The following PRKN variants were observed in gnomAD, a reference collection of about 807,000 sequenced individuals.
The protein encoded by PRKN is parkin RBR E3 ubiquitin protein ligase, also known as E3 ubiquitin-protein ligase parkin.
In PRKN, 56 loss-of-function variants were observed where a neutral mutation model predicts 59.5. The observed-to-expected ratio is 0.94, with a 90% confidence interval of 0.76 to 1.18. The LOEUF (loss-of-function observed/expected upper bound fraction) is 1.18, where lower values mean the gene tolerates loss of function less well. Among genes scored for constraint, PRKN ranks in the 50% most tolerant of loss-of-function variants. The pLI is 0.00. For missense variants in PRKN, 657 were observed against 596.4 expected (o/e 1.10, Z -1.06); for synonymous variants, 250 against 222.1 (o/e 1.13, Z -1.12).
intron 4 of PRKN, among the ~76,000 whole-genome samples, chr6:162,148,593 GAAACAAAC>G (rs34428585): frequency 2.0e-5 from 3 of 151,394 alleles, no homozygotes; most frequent in East Asian, 2.0e-4. Flanking sequence ...AAGCCAGATT[GAAACAAAC>G]AAACAAACAA....
At chr6:162,238,219 G>A (rs562521910) in intron 3 of PRKN, among the ~76,000 whole-genome samples, 2 of 152,212 alleles carry the variant, frequency 1.3e-5, no homozygotes, top group East Asian at 3.9e-4. Flanking sequence ...TTAATGTTTA[G>A]ATACAAAAAT....
chr6:161,639,662 G>A (rs1211546607), intron 7 of PRKN, among the ~76,000 whole-genome samples: 1 of 152,182 alleles, frequency 6.6e-6, no homozygotes, highest in Non-Finnish European at 1.5e-5. Context: ...GGCCTCAGGT[G>A]TCTGCCCTGC....
At chr6:161,932,908 A>C (rs1293741947) in intron 6 of PRKN, among the ~76,000 whole-genome samples, 1 of 152,212 alleles carries the variant, frequency 6.6e-6, no homozygotes, top group Non-Finnish European at 1.5e-5. Flanking sequence ...GATTCTTAAA[A>C]ATTACTCAGG....
chr6:162,726,301 T>C (rs1316157688), intron 1 of PRKN, among the ~76,000 whole-genome samples: 1 of 152,230 alleles, frequency 6.6e-6, no homozygotes, highest in African/African-American at 2.4e-5. Context: ...GGCTATTTTC[T>C]TCCTGTAGAC....
At chr6:162,588,139 T>C (rs2128213459) in intron 1 of PRKN, among the ~76,000 whole-genome samples, 1 of 151,506 alleles carries the variant, frequency 6.6e-6, no homozygotes, top group South Asian at 2.1e-4. Context: ...GCCTCCCAAG[T>C]ATCTGGGATT....
At position 161,442,465 on chromosome 6, in the gene PRKN, G is replaced by C. The variant is rs1206150679; in HGVS notation, c.1084-55588C>G. On this transcript the variant is annotated intron_variant, in intron 9 of 11. Transcript: ENST00000366898. This position sits in a 1 kb window ranked among gnomAD's most constrained non-coding sequence, Gnocchi z 4.6. The stretch of plus-strand genomic sequence containing the variant: ...TTTATTCAGAACCATTACTCAGTAT[G>C]ATTTTAAAATCTCGGGCTTCATCTT... Among the ~76,000 whole-genome samples, 1 of 152,228 alleles carries C rather than the reference G, an allele frequency of 6.6e-6. No homozygotes were observed. The highest frequency in any genetic ancestry group is 1.5e-5 in the Non-Finnish European group (1 of 68,036).
intron 5 of PRKN, among the ~76,000 whole-genome samples, chr6:161,981,354 A>G (rs1478398845): frequency 1.3e-5 from 2 of 152,154 alleles, no homozygotes. Context: ...TTCATTATTA[A>G]TCTTAATAAT....
Position 161,545,262 on chromosome 6 carries a change from A to G in PRKN, c.1083+3592T>C. On this transcript the variant is annotated intron_variant, in intron 9 of 11. Coordinates refer to ENST00000366898, the MANE Select transcript of PRKN (RefSeq NM_004562.3). The surrounding 1 kb of genome is among the most constrained non-coding windows in gnomAD (Gnocchi z 4.1). ...TGAATTCACAGGCATCTTACAATAAATCTGTGAACCACATCCTGATAATCA... is the reference window on the plus strand; with the variant it reads ...TGAATTCACAGGCATCTTACAATAAGTCTGTGAACCACATCCTGATAATCA... 7.0e-7 allele frequency: 1 copy of G among 1,425,410 alleles called. No homozygotes were observed. Among genetic ancestry groups the G allele is most frequent in the Admixed American group, 2.8e-5 (1 of 35,352 alleles). 88.3% of individuals were successfully genotyped at this position (1,425,410 alleles called of 1,614,324 possible).
rs148196869 is a variant in PRKN, at chr6:162,341,347, G to A, written c.172-78582C>T. On this transcript the variant is annotated intron_variant, in intron 2 of 11. Transcript: ENST00000366898. ...GTTCAACCATTGTGGAAGACAGTTT[G>A]GTGATTCCTCAAGGATCCAGAATCA... 6.1e-3 allele frequency among the ~76,000 whole-genome samples: 935 copies of A among 152,230 alleles called. 6 individuals are homozygous for A. The highest frequency in any genetic ancestry group is 0.021 in the African/African-American group (891 of 41,530).
chr6:162,199,294 C>A (rs1418218713), intron 4 of PRKN, among the ~76,000 whole-genome samples: 1 of 152,040 alleles, frequency 6.6e-6, no homozygotes, highest in Non-Finnish European at 1.5e-5. Flanking sequence ...CAAGTCCACA[C>A]TCATAAGTTC....
chr6:161,567,476 T>G (rs924441921), intron 8 of PRKN, among the ~76,000 whole-genome samples: 6 of 152,118 alleles, frequency 3.9e-5, no homozygotes, highest in African/African-American at 1.2e-4. Context: ...CACTCCTCTA[T>G]CCCTGTAACC....
In PRKN at chr6:161,352,133, G is replaced by T. The variant is rs2114834041; in HGVS notation, c.1286-1922C>A. On this transcript the variant is annotated intron_variant, in intron 11 of 11. Transcript: ENST00000366898. The surrounding 1 kb of genome is among the most constrained non-coding windows in gnomAD (Gnocchi z 5.8). ...TTGAATCCCACCTAGCGTTGAAGGT[G>T]CTCCATTACTCACTCTTACCAATTA... is the stretch of plus-strand genomic sequence containing the variant. Among the ~76,000 whole-genome samples the T allele has an allele frequency of 6.6e-6, 1 of 152,278 alleles. No homozygotes were observed. Among genetic ancestry groups the T allele is most frequent in the Middle Eastern group, 3.4e-3 (1 of 294 alleles).
intron 3 of PRKN, among the ~76,000 whole-genome samples, chr6:162,240,162 T>C (rs1778923688): frequency 6.6e-6 from 1 of 152,116 alleles, no homozygotes; most frequent in African/African-American, 2.4e-5. Context: ...TTTCAAGGAG[T>C]CGGGGGAAGC....
chr6:161,452,174 G>A (rs1046338836), intron 9 of PRKN, among the ~76,000 whole-genome samples: 2 of 149,024 alleles, frequency 1.3e-5, no homozygotes, highest in East Asian at 1.9e-4. Flanking sequence ...GGCTGGTGTC[G>A]AAGTCCTGAT....
At chr6:162,242,713 A>C (rs904451832) in intron 3 of PRKN, among the ~76,000 whole-genome samples, 2 of 152,172 alleles carry the variant, frequency 1.3e-5, no homozygotes, top group African/African-American at 2.4e-5. Context: ...AAAATGACTC[A>C]TGTCTACCCT....
rs147031695 is a variant in PRKN, at chr6:161,702,227, A to G, written c.871+83545T>C. On this transcript the variant is annotated intron_variant, in intron 7 of 11. Transcript: ENST00000366898. ...AGATGAGAGAAGAGAAATTCTACCA[A>G]AATTAGGTAAAAAGATAAATTTTTA... 7.9e-5 allele frequency among the ~76,000 whole-genome samples: 12 copies of G among 152,322 alleles called. No homozygotes were observed. The East Asian group carries it at 2.1e-3, about 27-fold the overall frequency.
intron 5 of PRKN, among the ~76,000 whole-genome samples, chr6:162,048,849 T>G (rs560804339): frequency 6.6e-6 from 1 of 152,144 alleles, no homozygotes. Context: ...AGGTAAATTA[T>G]AAAATGAAGA....
At chr6:161,885,538 C>A (rs188226898) in intron 6 of PRKN, among the ~76,000 whole-genome samples, 15 of 151,850 alleles carry the variant, frequency 9.9e-5, no homozygotes, top group Admixed American at 2.6e-4. Context: ...GGTGGCGGGC[C>A]CCTGTAGTCC....
chr6:161,943,357 G>A (rs776021180), intron 6 of PRKN, among the ~76,000 whole-genome samples: 21 of 152,234 alleles, frequency 1.4e-4, no homozygotes, highest in Non-Finnish European at 2.2e-4. Flanking sequence ...CACTGGGTTA[G>A]AAGAGAACAA....
Sources: gnomAD v4.1 joint callset for allele counts (sites outside exome capture counted in the v4.1 genomes callset) on GRCh38, gnomAD v4.1.1 for gene constraint, Gnocchi (gnomAD v3.1) non-coding constraint, MANE v1.5 for transcripts, NCBI Gene and HGNC (gene_info 2026-07-23, HGNC 2026-07-21) for gene names.